BSN: variants seen among roughly 807,000 people sequenced by gnomAD.
BSN encodes the protein bassoon presynaptic cytomatrix protein.
A neutral mutation model predicts 264.8 loss-of-function variants in BSN; 57 were observed. The ratio of observed to expected loss-of-function variants is 0.22; its 90% CI spans 0.17 to 0.27. The LOEUF is 0.27. Ranked by LOEUF, BSN falls within the 10% of genes least tolerant of loss-of-function variation. The pLI is 1.00. For synonymous variants in BSN, 2,059 were observed against 2,137.3 expected, an observed-to-expected ratio of 0.96 and a Z score of 1.01; for missense variants, 4,615 against 5,232.5, an observed-to-expected ratio of 0.88 and a Z score of 3.64.
chr3:49,619,373 A>C (rs1025895948), intron 1 of BSN, among the ~76,000 whole-genome samples: 6 of 152,198 alleles, frequency 3.9e-5, no homozygotes, highest in Non-Finnish European at 7.3e-5. Context: ...GCTCTTCAGA[A>C]AAAATAATCC....
Position 49,554,776 on chromosome 3 carries a change from A to C in BSN, c.174A>C (p.Pro58=). Residue 58 remains proline (P), a synonymous_variant, in exon 1 of 12, where the codon CCA becomes CCC. Coordinates refer to ENST00000296452, the MANE Select transcript of BSN (RefSeq NM_003458.4). Reference sequence around the variant, plus strand: ...GAGCAGCGCGGTCGACCGCGGTACCACCGGTCCCTGGCCCCGGCCCCGGCC... The same window carrying C: ...GAGCAGCGCGGTCGACCGCGGTACCCCCGGTCCCTGGCCCCGGCCCCGGCC... ...AAGAARSTAV[P]PVPGPGPGPG... The C allele has an allele frequency of 1.6e-6, 2 of 1,216,762 alleles. No homozygotes were observed. Among genetic ancestry groups the C allele is most frequent in the Non-Finnish European group, 1.0e-6 (1 of 979,410 alleles). The allele number at this position is 1,216,762 out of a possible 1,614,324, so 75.4% of individuals were successfully genotyped here. A position where few individuals can be genotyped will look rare whatever the true frequency, so the allele number is the denominator to read the frequency against.
intron 2 of BSN, among the ~76,000 whole-genome samples, chr3:49,639,267 C>T (rs990195193): frequency 2.0e-4 from 29 of 146,410 alleles, no homozygotes; most frequent in African/African-American, 5.8e-4. Context: ...GGCATGATCT[C>T]GGCTCACTAC....
intron 1 of BSN, among the ~76,000 whole-genome samples, chr3:49,575,210 C>T (rs1231331562): frequency 4.0e-5 from 6 of 151,498 alleles, no homozygotes; most frequent in Admixed American, 2.6e-4. Context: ...AAAAATTAGC[C>T]GGGCGTGGTG....
rs2052704590 is a variant in BSN at position 49,665,298 on chromosome 3, C to G, written c.*84C>G. ...TCTGGAGTCAGAGGCCTGGGCGCAGCTCTGGACTCTGCGTATAACAGTGAG... is the reference window on the plus strand; with the variant it reads ...TCTGGAGTCAGAGGCCTGGGCGCAGGTCTGGACTCTGCGTATAACAGTGAG... On this transcript the variant is annotated 3_prime_UTR_variant, in exon 11 of 12. Coordinates refer to ENST00000296452, the MANE Select transcript of BSN (RefSeq NM_003458.4). The G allele has an allele frequency of 6.2e-6, 1 of 161,090 alleles. No homozygotes were observed. Among genetic ancestry groups the G allele is most frequent in the South Asian group, 1.8e-4 (1 of 5,588 alleles). The allele number at this position is 161,090 out of a possible 1,614,324, so 10.0% of individuals were successfully genotyped here.
intron 1 of BSN, among the ~76,000 whole-genome samples, chr3:49,597,556 C>T (rs958498794): frequency 2.0e-5 from 3 of 152,008 alleles, no homozygotes; most frequent in Non-Finnish European, 4.4e-5. Context: ...TTCTTGAACT[C>T]CTGGCCTCAA....
At chr3:49,565,144 CTTTTT>C (rs971015437) in intron 1 of BSN, among the ~76,000 whole-genome samples, 7 of 104,576 alleles carry the variant, frequency 6.7e-5, no homozygotes, top group Admixed American at 4.2e-4. Context: ...AGAGGATTTT[CTTTTT>C]TTTTTTTTTT....
rs758894142 is a variant in BSN, at chr3:49,655,372, G to T, written c.5816G>T (p.Ser1939Ile). 1.3e-6 allele frequency: 2 copies of T among 1,589,058 alleles called. No homozygotes were observed. The highest frequency in any genetic ancestry group is 2.7e-5 in the African/African-American group (2 of 74,450). Residue 1939 changes from serine (S) to isoleucine (I), a missense_variant, in exon 5 of 12, where the codon AGC becomes ATC. Around this residue, in one of 3 missense-constraint regions of BSN, gnomAD observed 3,415 missense variants for 3,866.4 expected, o/e 0.88. Transcript: ENST00000296452. ...GCTGCCCCACCTGGCCAAAGCAGCA[G>T]CCCCTTCTATGGTCCCCGGGACCCT... is the stretch of plus-strand genomic sequence containing the variant. ...ADAAPPGQSS[S>I]PFYGPRDPEP...
intron 1 of BSN, among the ~76,000 whole-genome samples, chr3:49,614,597 A>C (rs1333027043): frequency 6.6e-6 from 1 of 152,148 alleles, no homozygotes; most frequent in Non-Finnish European, 1.5e-5. Context: ...AAGAATATGG[A>C]TGTCACTTGA....
At chr3:49,582,609 C>T (rs1037782898) in intron 1 of BSN, among the ~76,000 whole-genome samples, 2 of 152,138 alleles carry the variant, frequency 1.3e-5, no homozygotes, top group African/African-American at 4.8e-5. Context: ...TTCTTCTTTT[C>T]CAATTTGGAT....
Position 49,664,467 on chromosome 3 carries a change from G to A in BSN, c.11653G>A (p.Ala3885Thr), listed in dbSNP as rs202222119. 9.0e-5 allele frequency: 145 copies of A among 1,613,408 alleles called. No individual in the cohort carries two copies. Among genetic ancestry groups the A allele is most frequent in the Non-Finnish European group, 1.1e-4 (128 of 1,179,954 alleles). The stretch of plus-strand genomic sequence containing the variant: ...GCCTGGAGGAACCCCAGGGGCTCCC[G>A]CCGGCCAGCCAGGTGCCGATGGGGA... ...ARPGGTPGAP[A>T]GQPGADGESV... Residue 3885 changes from alanine to threonine, a missense_variant, in exon 9 of 12, where the codon GCC (alanine) becomes ACC (threonine). Ala to Thr is a moderately conservative substitution (Grantham distance 58, BLOSUM62 0). Coordinates refer to ENST00000296452, the MANE Select transcript of BSN (RefSeq NM_003458.4).
In BSN at chr3:49,655,485, C is replaced by A. The variant is rs781580351; in HGVS notation, c.5929C>A (p.Pro1977Thr). The change falls in exon 5 of 12, where the codon CCT (proline) becomes ACT (threonine). Residue 1977 changes from proline to threonine, a missense_variant. Physicochemically the swap from Pro to Thr is conservative, Grantham distance 38. Coordinates refer to ENST00000296452, the MANE Select transcript of BSN (RefSeq NM_003458.4). ...EEQRPYPQGLPGRLYSSMSDT... is the reference protein window; with the variant it reads ...EEQRPYPQGLTGRLYSSMSDT... ...GCAGAGGCCCTACCCACAAGGCCTG[C>A]CTGGTAGGCTGTACTCCTCCATGTC... 1.3e-6 allele frequency: 2 copies of A among 1,594,722 alleles called. No homozygotes were observed. The highest frequency in any genetic ancestry group is 1.7e-6 in the Non-Finnish European group (2 of 1,168,678).
At position 49,663,052 on chromosome 3, in the gene BSN, G is replaced by T. The variant is rs2052676798; in HGVS notation, c.10894G>T (p.Asp3632Tyr). 6.8e-6 allele frequency: 11 copies of T among 1,613,374 alleles called. No individual in the cohort carries two copies. The highest frequency in any genetic ancestry group is 9.3e-6 in the Non-Finnish European group (11 of 1,179,992). ...CCCTGAGGAGGGCCTGTGGCCTCAT[G>T]ATGAGGGTGGCCCAGGCCGCCATGC... ...EPPEEGLWPH[D>Y]EGGPGRHASA... Residue 3632 changes from aspartate to tyrosine, a missense_variant, in exon 7 of 12, where the codon GAT becomes TAT. Asp to Tyr is a radical substitution (Grantham distance 160). This residue lies in a region of BSN where 3,415 missense variants were observed against 3,866.4 expected (regional missense o/e 0.88). Transcript: ENST00000296452.
chr3:49,627,439 C>T (rs561625098), intron 2 of BSN, among the ~76,000 whole-genome samples: 2 of 152,310 alleles, frequency 1.3e-5, no homozygotes, highest in Non-Finnish European at 2.9e-5. Context: ...CTTGGCACAT[C>T]TTCCTGAGGG....
At chr3:49,589,082 A>ATTTTTTTTTTTTTTTT (rs55919876) in intron 1 of BSN, among the ~76,000 whole-genome samples, 18 of 132,436 alleles carry the variant, frequency 1.4e-4, no homozygotes, top group Non-Finnish European at 1.7e-4. Context: ...GCCTGGCTAA[A>ATTTTTTTTTTTTTTTT]TTTTTTTTTT....
intron 1 of BSN, among the ~76,000 whole-genome samples, chr3:49,561,424 G>T (rs1016285679): frequency 3.3e-5 from 5 of 152,228 alleles, no homozygotes; most frequent in African/African-American, 1.2e-4. Flanking sequence ...AAAGATGCTG[G>T]AAGAACCATT....
intron 2 of BSN, among the ~76,000 whole-genome samples, chr3:49,639,122 A>G (rs957328929): frequency 7.9e-5 from 12 of 152,118 alleles, no homozygotes; most frequent in Non-Finnish European, 1.6e-4. Flanking sequence ...GACTGGGTTC[A>G]GGGACTGAAA....
At chr3:49,672,070 C>T (rs2052783629), downstream of BSN, among the ~76,000 whole-genome samples, 1 of 148,472 alleles carries the variant, frequency 6.7e-6, no homozygotes, top group African/African-American at 2.5e-5. Context: ...AACAGGAATC[C>T]CAGCTTCACC....
In BSN at chr3:49,652,160, C is replaced by G. The variant is rs777031993; in HGVS notation, c.2604C>G (p.Gly868=). 2.5e-6 allele frequency: 4 copies of G among 1,614,036 alleles called. 1 individual carries two copies. The highest frequency in any genetic ancestry group is 1.7e-6 in the Non-Finnish European group (2 of 1,179,942). Reference sequence around the variant, plus strand: ...ATGACACTGCCACCTCCGGGCGTGGCCTGGCCAAACATGGCACCCAGAAAG... The same window carrying G: ...ATGACACTGCCACCTCCGGGCGTGGGCTGGCCAAACATGGCACCCAGAAAG... ...EEDDTATSGR[G]LAKHGTQKGG... is the part of the protein sequence containing the mutation. Residue 868 remains glycine, a synonymous_variant, in exon 5 of 12, where the codon GGC becomes GGG. Transcript: ENST00000296452.
intron 1 of BSN, among the ~76,000 whole-genome samples, chr3:49,557,912 G>A (rs1177633141): frequency 6.6e-6 from 1 of 152,178 alleles, no homozygotes; most frequent in Non-Finnish European, 1.5e-5. Context: ...TAGTCGATCA[G>A]CTAAGGTGTA....
Sources: gnomAD v4.1 joint callset for allele counts (sites outside exome capture counted in the v4.1 genomes callset) on GRCh38, gnomAD v4.1.1 for gene constraint, gnomAD v4.1.1 regional missense constraint, MANE v1.5 for transcripts, NCBI Gene and HGNC (gene_info 2026-07-23, HGNC 2026-07-21) for gene names.